The following OTUD7A variants were observed in gnomAD, a reference collection of about 807,000 sequenced individuals.
OTUD7A encodes OTU deubiquitinase 7A, also known as OTU domain-containing protein 7A.
In OTUD7A, 12 loss-of-function variants were observed where a neutral mutation model predicts 65.7. The ratio of observed to expected loss-of-function variants is 0.18; its 90% CI spans 0.12 to 0.30. OTUD7A has a LOEUF of 0.30. Among genes scored for constraint, OTUD7A ranks in the 10% least tolerant of loss-of-function variants. OTUD7A has a pLI of 1.00. For synonymous variants in OTUD7A, 641 were observed against 586.3 expected (o/e 1.09, Z -1.35); for missense variants, 1,148 against 1,304.8 (o/e 0.88, Z 1.85).
chr15:31,576,200 G>A (rs1257456496), intron 3 of OTUD7A, among the ~76,000 whole-genome samples: 1 of 152,064 alleles, frequency 6.6e-6, no homozygotes, highest in East Asian at 1.9e-4. Flanking sequence ...GGGACTCAGA[G>A]CCCTAAAACA....
chr15:31,613,408 C>T (rs982127795), intron 3 of OTUD7A, among the ~76,000 whole-genome samples: 1 of 152,056 alleles, frequency 6.6e-6, no homozygotes, highest in African/African-American at 2.4e-5. Flanking sequence ...TGAGAAAGGA[C>T]TAATATCCAG....
At position 31,512,354 on chromosome 15, in the gene OTUD7A, C is replaced by G. The variant is rs577762904; in HGVS notation, c.894-8536G>C. Among the ~76,000 whole-genome samples, 87 of 152,228 alleles carry G rather than the reference C, an allele frequency of 5.7e-4. No individual in the cohort carries two copies. The South Asian group carries it at 0.012, about 22-fold the overall frequency. Reference sequence around the variant, plus strand: ...ATGAGGAGGGACTGGAGACCACCCCCGGCAGAGAATGTATCCCCATACGGG... The same window carrying G: ...ATGAGGAGGGACTGGAGACCACCCCGGGCAGAGAATGTATCCCCATACGGG... On this transcript the variant is annotated intron_variant, in intron 8 of 12. Transcript: ENST00000307050.
chr15:31,626,016 G>A (rs578067414), intron 3 of OTUD7A, among the ~76,000 whole-genome samples: 2 of 152,188 alleles, frequency 1.3e-5, no homozygotes, highest in Admixed American at 6.5e-5. Flanking sequence ...GGTTGCTGAG[G>A]GGTGGGCTGA....
At chr15:31,784,769 G>A (rs1895628678) in intron 1 of OTUD7A, among the ~76,000 whole-genome samples, 1 of 152,126 alleles carries the variant, frequency 6.6e-6, no homozygotes, top group Non-Finnish European at 1.5e-5. Flanking sequence ...GCTTTGTATT[G>A]TCTGAGTGCT....
chr15:31,494,413 G>T (rs534366377), intron 10 of OTUD7A, among the ~76,000 whole-genome samples: 3 of 152,284 alleles, frequency 2.0e-5, no homozygotes, highest in South Asian at 4.1e-4. Flanking sequence ...CTGGCTCCTG[G>T]ATCTTGTATT....
intron 3 of OTUD7A, among the ~76,000 whole-genome samples, chr15:31,628,669 T>C (rs1373651825): frequency 6.6e-6 from 1 of 152,124 alleles, no homozygotes; most frequent in Admixed American, 6.5e-5. Context: ...ATTGAATCTA[T>C]AAATTACCTT....
intron 3 of OTUD7A, among the ~76,000 whole-genome samples, chr15:31,645,411 A>T (rs1183293733): frequency 6.6e-6 from 1 of 152,164 alleles, no homozygotes; most frequent in Non-Finnish European, 1.5e-5. Flanking sequence ...ACATTCGTAC[A>T]TCACTTATAA....
At chr15:31,717,138 T>C (rs1334595603) in intron 1 of OTUD7A, among the ~76,000 whole-genome samples, 1 of 152,194 alleles carries the variant, frequency 6.6e-6, no homozygotes, top group Non-Finnish European at 1.5e-5. Flanking sequence ...TGTAACAAAA[T>C]GGTTGTTTTC....
At chr15:31,743,161 T>A (rs943800784) in intron 1 of OTUD7A, among the ~76,000 whole-genome samples, 9 of 151,962 alleles carry the variant, frequency 5.9e-5, no homozygotes, top group Non-Finnish European at 7.4e-5. Context: ...TTTTTTCAAG[T>A]GCAAAAAGAG....
intron 3 of OTUD7A, among the ~76,000 whole-genome samples, chr15:31,570,450 C>T (rs1184122424): frequency 5.5e-5 from 2 of 36,048 alleles, no homozygotes; most frequent in African/African-American, 2.4e-4. Context: ...CATACACACA[C>T]ACACACACAC....
At chr15:31,603,675 A>T (rs1482530642) in intron 3 of OTUD7A, among the ~76,000 whole-genome samples, 2 of 152,230 alleles carry the variant, frequency 1.3e-5, no homozygotes, top group Non-Finnish European at 1.5e-5. Flanking sequence ...GAATGGGAGA[A>T]CATTTTTGTA....
intron 1 of OTUD7A, among the ~76,000 whole-genome samples, chr15:31,818,370 T>C (rs780796188): frequency 2.0e-5 from 3 of 152,194 alleles, no homozygotes; most frequent in Non-Finnish European, 2.9e-5. Context: ...ATGATGTTCA[T>C]TGCATCTCTC....
chr15:31,566,195 G>GA (rs67409184), intron 4 of OTUD7A, among the ~76,000 whole-genome samples: 1,554 of 105,912 alleles, frequency 0.015, 12 homozygotes, highest in African/African-American at 0.026. Context: ...CATCTCAAAA[G>GA]AAAAAAAAAA....
chr15:31,827,456 G>C lies in OTUD7A; in HGVS notation c.-100+43051C>G, dbSNP rs149369082. 5.9e-3 allele frequency among the ~76,000 whole-genome samples: 892 copies of C among 152,322 alleles called. 10 individuals carry two copies. Among genetic ancestry groups the C allele is most frequent in the African/African-American group, 0.021 (864 of 41,572 alleles). On this transcript the variant is annotated intron_variant, in intron 1 of 12. Transcript: ENST00000307050. Reference sequence around the variant, plus strand: ...CACCAGGTCCCTCCCACAACACGTGGGAATTATGGGAGTATGATTCAAGAT... The same window carrying C: ...CACCAGGTCCCTCCCACAACACGTGCGAATTATGGGAGTATGATTCAAGAT...
chr15:31,715,549 T>C (rs1447965074), intron 1 of OTUD7A, among the ~76,000 whole-genome samples: 1 of 149,280 alleles, frequency 6.7e-6, no homozygotes, highest in Non-Finnish European at 1.5e-5. Flanking sequence ...AGCACTACCA[T>C]TGTCTGTAAT....
intron 1 of OTUD7A, chr15:31,787,867 C>A (rs1205556256): frequency 6.6e-6 from 1 of 152,162 alleles, no homozygotes; most frequent in Non-Finnish European, 1.5e-5. Flanking sequence ...TGGCATAAGA[C>A]CCTAGGAATA....
chr15:31,852,273 G>A (rs2141006080), intron 1 of OTUD7A, among the ~76,000 whole-genome samples: 1 of 152,340 alleles, frequency 6.6e-6, no homozygotes, highest in Non-Finnish European at 1.5e-5. Context: ...ACAGACTGAA[G>A]GAAGTGCCCA....
chr15:31,505,400 G>A (rs566949302), intron 8 of OTUD7A, among the ~76,000 whole-genome samples: 1 of 152,146 alleles, frequency 6.6e-6, no homozygotes, highest in Non-Finnish European at 1.5e-5. Context: ...AAAGTATACT[G>A]ATTTTTTTAT....
intron 4 of OTUD7A, among the ~76,000 whole-genome samples, chr15:31,561,753 C>G (rs1888696370): frequency 6.6e-6 from 1 of 151,534 alleles, no homozygotes; most frequent in Non-Finnish European, 1.5e-5. Context: ...CAGGAATGCA[C>G]ACATATCATC....
Sources: gnomAD v4.1 joint callset for allele counts (sites outside exome capture counted in the v4.1 genomes callset) on GRCh38, gnomAD v4.1.1 for gene constraint, MANE v1.5 for transcripts, NCBI Gene and HGNC (gene_info 2026-07-23, HGNC 2026-07-21) for gene names.